NKAIN3: variants seen among roughly 807,000 people sequenced by gnomAD.
NKAIN3 encodes sodium/potassium transporting ATPase interacting 3.
NKAIN3 carries 25 observed loss-of-function variants against 30.2 expected under a neutral mutation model. The ratio of observed to expected loss-of-function variants is 0.83; its 90% CI spans 0.60 to 1.16. NKAIN3 has a LOEUF of 1.16. Ranked by LOEUF, NKAIN3 falls within the 50% of genes most tolerant of loss-of-function variation. The probability of loss-of-function intolerance (pLI) is 0.00; values close to 1 mark genes in which losing one functional copy is unlikely to be tolerated. For missense variants in NKAIN3, 225 were observed against 254.1 expected, an observed-to-expected ratio of 0.89 and a Z score of 0.78; for synonymous variants, 91 against 89.6, an observed-to-expected ratio of 1.02 and a Z score of -0.09.
intron 3 of NKAIN3, among the ~76,000 whole-genome samples, chr8:62,652,173 G>A (rs1435556380): frequency 6.6e-6 from 1 of 152,042 alleles, no homozygotes; most frequent in Non-Finnish European, 1.5e-5. Context: ...TCATCTTGGG[G>A]ATTAGGTTTC....
At chr8:62,361,657 T>A (rs1417513405) in intron 1 of NKAIN3, among the ~76,000 whole-genome samples, 1 of 152,242 alleles carries the variant, frequency 6.6e-6, no homozygotes, top group African/African-American at 2.4e-5. Flanking sequence ...CGAAATGTAC[T>A]TAATGACTCA....
intron 1 of NKAIN3, among the ~76,000 whole-genome samples, chr8:62,257,610 T>C (rs560987059): frequency 3.2e-4 from 48 of 152,304 alleles, no homozygotes; most frequent in African/African-American, 1.1e-3. Context: ...AAAATAGAAT[T>C]ATTTCCTACT....
At chr8:62,255,827 A>C (rs1364769273) in intron 1 of NKAIN3, among the ~76,000 whole-genome samples, 2 of 152,098 alleles carry the variant, frequency 1.3e-5, no homozygotes, top group African/African-American at 4.8e-5. Flanking sequence ...TATCAGAATC[A>C]CCCGGGGGAG....
At chr8:62,863,198 G>GT in intron 4 of NKAIN3, 1 of 1,546,664 alleles carries the variant, frequency 6.5e-7, no homozygotes, top group Middle Eastern at 2.4e-4. Flanking sequence ...TCCTGCAGGC[G>GT]TTTTTCCAAT....
chr8:62,480,856 A>G (rs190480731), intron 1 of NKAIN3, among the ~76,000 whole-genome samples: 2 of 152,246 alleles, frequency 1.3e-5, no homozygotes, highest in Admixed American at 1.3e-4. Flanking sequence ...TAGGGAACAG[A>G]AAGTGGAGAG....
intron 1 of NKAIN3, among the ~76,000 whole-genome samples, chr8:62,429,294 T>G (rs1428328934): frequency 1.3e-5 from 2 of 151,934 alleles, no homozygotes; most frequent in African/African-American, 4.8e-5. Context: ...CTACACCCAC[T>G]TTGTTGAGAG....
chr8:62,738,110 G>A (rs943086732), intron 3 of NKAIN3, among the ~76,000 whole-genome samples: 1 of 152,090 alleles, frequency 6.6e-6, no homozygotes. Flanking sequence ...CACAATGGTT[G>A]AACTAATTTA....
rs117411571 is a variant in NKAIN3, at chr8:62,546,909, A to G, written c.55-32630A>G. Reference sequence around the variant, plus strand: ...ATGATGGGATTTGTGCCAAGGTAGCATATGGTTTTATGTGAACAATGAATA... The same window carrying G: ...ATGATGGGATTTGTGCCAAGGTAGCGTATGGTTTTATGTGAACAATGAATA... On this transcript the variant is annotated intron_variant, in intron 1 of 6. Coordinates refer to ENST00000623646, the MANE Select transcript of NKAIN3 (RefSeq NM_001304533.3). 4.2e-3 allele frequency among the ~76,000 whole-genome samples: 641 copies of G among 152,290 alleles called. 2 individuals carry two copies. The highest frequency in any genetic ancestry group is 6.2e-3 in the Non-Finnish European group (423 of 68,020).
chr8:62,786,483 C>T (rs1817522558), intron 4 of NKAIN3, among the ~76,000 whole-genome samples: 1 of 70,358 alleles, frequency 1.4e-5, no homozygotes, highest in Admixed American at 1.7e-4. Flanking sequence ...CTTCACTTCT[C>T]ATCTCCTCAT....
chr8:62,318,555 A>G (rs1345705169), intron 1 of NKAIN3, among the ~76,000 whole-genome samples: 2 of 150,098 alleles, frequency 1.3e-5, no homozygotes, highest in South Asian at 2.1e-4. Flanking sequence ...TGAGATAATC[A>G]TGTGGTTTTT....
chr8:62,250,265 G>A (rs183112480), intron 1 of NKAIN3, among the ~76,000 whole-genome samples: 53 of 152,202 alleles, frequency 3.5e-4, no homozygotes, highest in African/African-American at 1.1e-3. Context: ...TTGCCTCAGT[G>A]TTCCAGTCTC....
At chr8:62,954,758 T>C (rs180780355) in intron 6 of NKAIN3, among the ~76,000 whole-genome samples, 47 of 152,334 alleles carry the variant, frequency 3.1e-4, no homozygotes, top group African/African-American at 1.1e-3. Context: ...TAAATCTTCA[T>C]GAAAACACTG....
At chr8:62,674,423 C>T (rs1331254734) in intron 3 of NKAIN3, among the ~76,000 whole-genome samples, 1 of 152,126 alleles carries the variant, frequency 6.6e-6, no homozygotes, top group African/African-American at 2.4e-5. Context: ...CTTATTTGTC[C>T]ATGTGTCAGA....
In NKAIN3 at chr8:62,966,024, C is replaced by G; in HGVS notation, c.*617C>G. 1.0e-6 allele frequency: 1 copy of G among 984,410 alleles called. No individual in the cohort carries two copies. Among genetic ancestry groups the G allele is most frequent in the Non-Finnish European group, 1.2e-6 (1 of 829,218 alleles). 61.0% of individuals were successfully genotyped at this position (984,410 alleles called of 1,614,324 possible). ...TCTAAATTTTCAGATTCGTGCATAT[C>G]TTGTTTTTCCTGATATATATATATA... On this transcript the variant is annotated 3_prime_UTR_variant, in exon 7 of 7. Transcript: ENST00000623646.
intron 1 of NKAIN3, among the ~76,000 whole-genome samples, chr8:62,326,346 A>G (rs1437723326): frequency 6.6e-6 from 1 of 151,884 alleles, no homozygotes; most frequent in Non-Finnish European, 1.5e-5. Context: ...TAATTTTGTT[A>G]CATTCGTTAC....
intron 3 of NKAIN3, among the ~76,000 whole-genome samples, chr8:62,646,997 C>T (rs1346671429): frequency 6.6e-6 from 1 of 152,144 alleles, no homozygotes; most frequent in Non-Finnish European, 1.5e-5. Flanking sequence ...AATTTACTCA[C>T]TTGCTATGAA....
At chr8:62,811,392 G>A (rs1818483793) in intron 4 of NKAIN3, among the ~76,000 whole-genome samples, 1 of 152,050 alleles carries the variant, frequency 6.6e-6, no homozygotes, top group African/African-American at 2.4e-5. Context: ...GCTTAAAAGT[G>A]TAATTTCTGG....
chr8:62,904,755 T>A (rs1025417304), intron 4 of NKAIN3, among the ~76,000 whole-genome samples: 6 of 152,218 alleles, frequency 3.9e-5, no homozygotes, highest in African/African-American at 1.4e-4. Flanking sequence ...ACATTCTTCT[T>A]AGCAGGCAGT....
intron 3 of NKAIN3, among the ~76,000 whole-genome samples, chr8:62,736,371 G>A (rs1815673796): frequency 6.6e-6 from 1 of 152,154 alleles, no homozygotes; most frequent in African/African-American, 2.4e-5. Flanking sequence ...TGTGGGGGTT[G>A]CTGGTGTGGA....
Sources: allele counts gnomAD v4.1 joint callset (sites outside exome capture counted in the v4.1 genomes callset), GRCh38; gene constraint gnomAD v4.1.1; transcripts MANE v1.5; gene names NCBI Gene and HGNC (gene_info 2026-07-23, HGNC 2026-07-21).